PNMA6E: variants seen among roughly 807,000 people sequenced by gnomAD.
PNMA6E encodes the protein paraneoplastic antigen Ma6E.
For synonymous variants in PNMA6E, 43 were observed against 17.1 expected, an observed-to-expected ratio of 2.52 and a Z score of -3.74; for missense variants, 78 against 50.8, an observed-to-expected ratio of 1.53 and a Z score of -1.63.
the PNMA6E span, among the ~76,000 whole-genome samples, chrX:153,413,185 G>C: frequency 9.2e-6 from 1 of 109,018 alleles, no homozygotes; most frequent in African/African-American, 3.3e-5. Context: ...GGATGAAAAA[G>C]CCCAAATTCC....
upstream of PNMA6E, among the ~76,000 whole-genome samples, chrX:153,404,442 C>T (rs1556971824): frequency 9.1e-6 from 1 of 110,399 alleles, no homozygotes; most frequent in African/African-American, 3.3e-5. Context: ...GTAGCTTTGG[C>T]TTCTTGGTTT....
chrX:153,411,800 C>A, the PNMA6E span, among the ~76,000 whole-genome samples: 1 of 112,418 alleles, frequency 8.9e-6, no homozygotes, highest in Admixed American at 9.2e-5. Flanking sequence ...GGAGCTGCGG[C>A]GGCGGCGACA....
At chrX:153,404,690 G>A (rs1357488628), upstream of PNMA6E, among the ~76,000 whole-genome samples, 3 of 111,931 alleles carry the variant, frequency 2.7e-5, no homozygotes, top group African/African-American at 9.7e-5. Context: ...AATAGCCCTG[G>A]GGTCAGCCAG....
chrX:153,410,613 C>T, the PNMA6E span, among the ~76,000 whole-genome samples: 1 of 112,732 alleles, frequency 8.9e-6, no homozygotes, highest in Non-Finnish European at 1.9e-5. Context: ...GGCTTTTGTT[C>T]TGGGAGCGCA....
the PNMA6E span, among the ~76,000 whole-genome samples, chrX:153,411,907 G>A: frequency 2.7e-5 from 3 of 112,739 alleles, no homozygotes; most frequent in Admixed American, 2.8e-4. Context: ...GCCATCCAGG[G>A]CTGGGCGCTG....
At chrX:153,409,753 G>A in the PNMA6E span, among the ~76,000 whole-genome samples, 1 of 111,963 alleles carries the variant, frequency 8.9e-6, no homozygotes, top group Non-Finnish European at 1.9e-5. Flanking sequence ...GTGGAAGTGG[G>A]GTGCACTCCC....
rs782676289 is a variant in PNMA6E, at chrX:153,396,506, G to T, written c.*400C>A. Reference sequence around the variant, plus strand: ...GCAAGTGGGCTGACCCCTCTTGAGAGACCCAGGCAGCTGGCAACCTTGAGA... The same window carrying T: ...GCAAGTGGGCTGACCCCTCTTGAGATACCCAGGCAGCTGGCAACCTTGAGA... On this transcript the variant is annotated 3_prime_UTR_variant, in exon 2 of 2. Coordinates refer to ENST00000445091, the MANE Select transcript of PNMA6E (RefSeq NM_001367770.1). The T allele has an allele frequency of 2.7e-4, 31 of 116,189 alleles. 1 individual carries two copies. The highest frequency in any genetic ancestry group is 1.8e-4 in the Admixed American group (2 of 10,881). The allele number at this position is 116,189 out of a possible 1,213,427, so 9.6% of individuals were successfully genotyped here.
upstream of PNMA6E, chrX:153,403,851 G>A (rs1215159613): frequency 4.6e-5 from 5 of 108,540 alleles, no homozygotes; most frequent in African/African-American, 1.7e-4. Flanking sequence ...GGCTGAGATG[G>A]GAGGATTGCT....
chrX:153,409,636 T>C, the PNMA6E span, among the ~76,000 whole-genome samples: 1 of 113,157 alleles, frequency 8.8e-6, no homozygotes, highest in Non-Finnish European at 1.9e-5. Context: ...ACCACCAATG[T>C]GTCCACACAC....
At chrX:153,408,175 C>G in the PNMA6E span, among the ~76,000 whole-genome samples, 6 of 113,024 alleles carry the variant, frequency 5.3e-5, no homozygotes, top group Non-Finnish European at 7.5e-5. Context: ...AGTGGCCACA[C>G]TGAAGAGGAT....
Position 153,398,668 on chromosome X carries a change from C to T in PNMA6E, c.182G>A (p.Gly61Glu), listed in dbSNP as rs1448883377. Residue 61 changes from glycine to glutamate, a missense_variant, in exon 2 of 2, where the codon GGG (glycine) becomes GAG (glutamate). Physicochemically the swap from Gly to Glu is moderately conservative, Grantham distance 98. Transcript: ENST00000445091. ...GAACTCCACCAAGGCTGCCTTGGCC[C>T]CGAGCTCCTTTCTGAAGTGCTTGGT... ...VLTKHFRKEL[G>E]AKAALVEFAE... is the part of the protein sequence containing the mutation. 1.5e-5 allele frequency: 5 copies of T among 325,918 alleles called. No homozygotes were observed. The highest frequency in any genetic ancestry group is 2.7e-5 in the Non-Finnish European group (5 of 188,456). The allele number at this position is 325,918 out of a possible 1,213,427, so 26.9% of individuals were successfully genotyped here. A position where few individuals can be genotyped will look rare whatever the true frequency, so the allele number is the denominator to read the frequency against.
upstream of PNMA6E, among the ~76,000 whole-genome samples, chrX:153,406,077 A>G (rs1297835309): frequency 2.7e-5 from 3 of 112,219 alleles, no homozygotes; most frequent in African/African-American, 9.7e-5. Flanking sequence ...AACCATGAAC[A>G]GACACCAATC....
chrX:153,405,646 ATCACTGT>A (rs1330929406), upstream of PNMA6E, among the ~76,000 whole-genome samples: 2 of 101,068 alleles, frequency 2.0e-5, no homozygotes, highest in Non-Finnish European at 4.0e-5. Flanking sequence ...CCCAAAATAG[ATCACTGT>A]TTTGCAGGAA....
upstream of PNMA6E, chrX:153,404,227 A>C (rs981691775): frequency 1.8e-5 from 2 of 109,308 alleles, no homozygotes; most frequent in African/African-American, 6.7e-5. Context: ...CAATCCACCC[A>C]CCTCAGCCTC....
the PNMA6E span, among the ~76,000 whole-genome samples, chrX:153,406,681 C>G: frequency 2.7e-5 from 3 of 112,898 alleles, no homozygotes; most frequent in Non-Finnish European, 5.6e-5. Context: ...GCTGCACATG[C>G]ACGCACAGAC....
chrX:153,405,957 T>C (rs1157829596), upstream of PNMA6E, among the ~76,000 whole-genome samples: 2 of 112,395 alleles, frequency 1.8e-5, no homozygotes, highest in African/African-American at 6.5e-5. Context: ...CCTCCAAGCC[T>C]ACTCTTCTGA....
chrX:153,405,740 G>C (rs1177610922), upstream of PNMA6E, among the ~76,000 whole-genome samples: 1 of 110,734 alleles, frequency 9.0e-6, no homozygotes, highest in East Asian at 2.8e-4. Flanking sequence ...ATGTAGCCAC[G>C]TGAGTAAGCC....
In PNMA6E at chrX:153,398,113, CCTCCTGCCTCACCTGCTG is replaced by C. The variant is rs1349970213; in HGVS notation, c.719_736del (p.Ala240_Gly245del). On this transcript the variant is annotated inframe_deletion, in exon 2 of 2. Coordinates refer to ENST00000445091, the MANE Select transcript of PNMA6E (RefSeq NM_001367770.1). ...ACCTGCTGCTCTTCCCTCACCTGCG[CCTCCTGCCTCACCTGCTG>C]CTCCTGCCTCACCTGCGCCTCCTGC... The C allele has an allele frequency of 6.3e-5, 27 of 429,657 alleles. No individual in the cohort carries two copies. The highest frequency in any genetic ancestry group is 6.1e-4 in the South Asian group (17 of 27,901). The allele number at this position is 429,657 out of a possible 1,213,427, so 35.4% of individuals were successfully genotyped here. A position where few individuals can be genotyped will look rare whatever the true frequency, so the allele number is the denominator to read the frequency against.
Position 153,398,808 on chromosome X carries a change from A to G in PNMA6E, c.42T>C (p.Gly14=), listed in dbSNP as rs551279640. The G allele has an allele frequency of 3.5e-4, 105 of 300,233 alleles. 3 individuals carry two copies. In the South Asian group the frequency reaches 0.019, roughly 54 times the overall value. 24.7% of individuals were successfully genotyped at this position (300,233 alleles called of 1,213,427 possible). A position where few individuals can be genotyped will look rare whatever the true frequency, so the allele number is the denominator to read the frequency against. ...AMLRDWCRWM[G]ANAERSLLIL... ...TGAGCAGGGAGCGCTCTGCGTTCGC[A>G]CCCATCCACCTGCACCAGTCCCGAA... is the stretch of plus-strand genomic sequence containing the variant. The change falls in exon 2 of 2, where the codon GGT becomes GGC. Residue 14 remains glycine (G), a synonymous_variant. Transcript: ENST00000445091.
Sources: gnomAD v4.1 joint callset for allele counts (sites outside exome capture counted in the v4.1 genomes callset) on GRCh38, gnomAD v4.1.1 for gene constraint, MANE v1.5 for transcripts, NCBI Gene and HGNC (gene_info 2026-07-23, HGNC 2026-07-21) for gene names.